Variants in DTX3 observed in about 807,000 individuals in gnomAD.
The protein encoded by DTX3 is deltex E3 ubiquitin ligase 3.
Under a neutral mutation model 27.4 loss-of-function variants are expected in DTX3, and 10 were observed. That is an observed-to-expected ratio of 0.36 (90% CI 0.22 to 0.62). The LOEUF is 0.62. DTX3 is among the 20% of genes least tolerant of loss of function. The pLI is 0.68. For synonymous variants in DTX3, 171 were observed against 190.7 expected (o/e 0.90, Z 0.85); for missense variants, 319 against 463.8 (o/e 0.69, Z 2.87).
chr12:57,605,284 A>T (rs2140203614), intron 1 of DTX3: 1 of 152,408 alleles, frequency 6.6e-6, no homozygotes, highest in African/African-American at 2.4e-5. Context: ...CTGGGTTGCC[A>T]CAGAGGAATC....
In DTX3 at chr12:57,607,716, G is replaced by T; in HGVS notation, c.750+103G>T. 1 of 1,485,044 alleles carries T rather than the reference G, an allele frequency of 6.7e-7. No individual in the cohort carries two copies. Among genetic ancestry groups the T allele is most frequent in the South Asian group, 1.2e-5 (1 of 82,518 alleles). 92.0% of individuals were successfully genotyped at this position (1,485,044 alleles called of 1,614,324 possible). On this transcript the variant is annotated intron_variant, in intron 5 of 6. Coordinates refer to ENST00000337737, the MANE Select transcript of DTX3 (RefSeq NM_178502.4). This position sits in a 1 kb window ranked among gnomAD's most constrained non-coding sequence, Gnocchi z 7.7. ...TGCTTGTTAGATGTGAGACAGTCTT[G>T]CTGTCTTCCACTGTGCCCTCCTACT...
chr12:57,608,907 C>A lies in DTX3; in HGVS notation c.968+170C>A. On this transcript the variant is annotated intron_variant, in intron 6 of 6. Coordinates refer to ENST00000337737, the MANE Select transcript of DTX3 (RefSeq NM_178502.4). This position sits in a 1 kb window ranked among gnomAD's most constrained non-coding sequence, Gnocchi z 6.1. ...TTCAACCTGGTCCTGGTGTGCCCAGCTTAGCCTACAAAAATAAGCAGAACT... is the reference window on the plus strand; with the variant it reads ...TTCAACCTGGTCCTGGTGTGCCCAGATTAGCCTACAAAAATAAGCAGAACT... The A allele has an allele frequency of 9.4e-7, 1 of 1,063,144 alleles. No individual in the cohort carries two copies. Among genetic ancestry groups the A allele is most frequent in the Non-Finnish European group, 1.4e-6 (1 of 704,142 alleles). The allele number at this position is 1,063,144 out of a possible 1,614,324, so 65.9% of individuals were successfully genotyped here.
chr12:57,606,612 G>T, intron 4 of DTX3, 94 bp downstream of exon 4: 2 of 1,534,350 alleles, frequency 1.3e-6, no homozygotes, highest in Non-Finnish European at 1.8e-6. Context: ...CTATGATCTG[G>T]GAGAAATGAC....
chr12:57,606,610 T>C, intron 4 of DTX3, 92 bp downstream of exon 4: 1 of 1,534,964 alleles, frequency 6.5e-7, no homozygotes, highest in Non-Finnish European at 8.9e-7. Context: ...TTCTATGATC[T>C]GGGAGAAATG....
Position 57,609,179 on chromosome 12 carries a change from G to T in DTX3, c.*27G>T. On this transcript the variant is annotated 3_prime_UTR_variant, in exon 7 of 7. Transcript: ENST00000337737. ...GGACATCGCCTTTGCCAAGGCCCCT[G>T]CTGTCTGCCTCTACTAGGACCCAGC... The T allele has an allele frequency of 6.2e-7, 1 of 1,610,058 alleles. No individual in the cohort carries two copies. The highest frequency in any genetic ancestry group is 8.5e-7 in the Non-Finnish European group (1 of 1,176,478).
rs1883767183 is a variant in DTX3 at position 57,607,197 on chromosome 12, G to A, written c.334G>A (p.Gly112Arg). 2 of 1,613,078 alleles carry A rather than the reference G, an allele frequency of 1.2e-6. No individual in the cohort carries two copies. The highest frequency in any genetic ancestry group is 1.7e-6 in the Non-Finnish European group (2 of 1,179,900). Reference sequence around the variant, plus strand: ...GGGCTGCCTGGCTCTGGGGGGTGGAGGGGAGCACCCTGAGATGCACCGCGC... The same window carrying A: ...GGGCTGCCTGGCTCTGGGGGGTGGAAGGGAGCACCCTGAGATGCACCGCGC... The part of the protein sequence containing the change: ...LMGCLALGGG[G>R]EHPEMHRAGP... Residue 112 changes from glycine to arginine, a missense_variant, in exon 5 of 7, where the codon GGG becomes AGG. By Grantham distance (125) the Gly-to-Arg change is moderately radical. Transcript: ENST00000337737. The surrounding 1 kb of genome is among the most constrained non-coding windows in gnomAD (Gnocchi z 7.7).
In DTX3 at chr12:57,607,419, G is replaced by A. The variant is rs1160153367; in HGVS notation, c.556G>A (p.Glu186Lys). The A allele has an allele frequency of 5.0e-6, 8 of 1,614,044 alleles. No homozygotes were observed. Among genetic ancestry groups the A allele is most frequent in the East Asian group, 2.2e-5 (1 of 44,876 alleles). Residue 186 changes from glutamate (E) to lysine (K), a missense_variant, in exon 5 of 7, where the codon GAG (glutamate) becomes AAG (lysine). Around this residue, in one of 2 missense-constraint regions of DTX3, gnomAD observed 117 missense variants for 258.5 expected, o/e 0.45. Transcript: ENST00000337737. The surrounding 1 kb of genome is among the most constrained non-coding windows in gnomAD (Gnocchi z 7.7). ...TLEKCRHSFC[E>K]GCITRALQVK... ...GGAGAAGTGCCGGCATTCATTCTGC[G>A]AGGGCTGCATCACCCGGGCTCTGCA...
At position 57,605,672 on chromosome 12, in the gene DTX3, C is replaced by T. The variant is rs1883687450; in HGVS notation, c.-198C>T. 1 of 152,282 alleles carries T rather than the reference C, an allele frequency of 6.6e-6. No homozygotes were observed. Among genetic ancestry groups the T allele is most frequent in the African/African-American group, 2.4e-5 (1 of 41,450 alleles). 9.4% of individuals were successfully genotyped at this position (152,282 alleles called of 1,614,324 possible). A position where few individuals can be genotyped will look rare whatever the true frequency, so the allele number is the denominator to read the frequency against. On this transcript the variant is annotated 5_prime_UTR_variant, in exon 2 of 7. Transcript: ENST00000337737. ...GCTGAGCCCTTGTGTGAGCCCCGCC[C>T]CTCCCTAAATGCCAGACTTGGGAGC...
intron 3 of DTX3, 57 bp from the exon 4 acceptor site, chr12:57,606,386 C>T: frequency 2.9e-6 from 4 of 1,386,260 alleles, no homozygotes; most frequent in Admixed American, 4.2e-5. Context: ...GGGTTGGGGG[C>T]CATGGGAATT....
chr12:57,607,740 C>A lies in DTX3; in HGVS notation c.750+127C>A. On this transcript the variant is annotated intron_variant, in intron 5 of 6. Coordinates refer to ENST00000337737, the MANE Select transcript of DTX3 (RefSeq NM_178502.4). This position sits in a 1 kb window ranked among gnomAD's most constrained non-coding sequence, Gnocchi z 7.7. Reference sequence around the variant, plus strand: ...TGCTGTCTTCCACTGTGCCCTCCTACTCAGTGCCCTGGACCTAGGAGGTCC... The same window carrying A: ...TGCTGTCTTCCACTGTGCCCTCCTAATCAGTGCCCTGGACCTAGGAGGTCC... The A allele has an allele frequency of 7.7e-7, 1 of 1,292,158 alleles. No homozygotes were observed. The highest frequency in any genetic ancestry group is 1.1e-6 in the Non-Finnish European group (1 of 915,456). 80.0% of individuals were successfully genotyped at this position (1,292,158 alleles called of 1,614,324 possible).
intron 4 of DTX3, 30 bp from the exon 5 acceptor site, chr12:57,606,835 C>G (rs1243398414): frequency 6.3e-7 from 1 of 1,576,050 alleles, no homozygotes. Context: ...GGGGACCCCC[C>G]ACCCTGAGTC....
chr12:57,606,368 G>C, intron 3 of DTX3, 75 bp from the exon 4 acceptor site: 1 of 1,164,932 alleles, frequency 8.6e-7, no homozygotes. Flanking sequence ...TCTGTTCCAT[G>C]GGCTGCTGGG....
At position 57,607,475 on chromosome 12, in the gene DTX3, C is replaced by A. The variant is rs768137705; in HGVS notation, c.612C>A (p.Arg204=). 6.2e-7 allele frequency: 1 copy of A among 1,614,210 alleles called. No individual in the cohort carries two copies. The highest frequency in any genetic ancestry group is 1.7e-5 in the Admixed American group (1 of 60,036). Residue 204 remains arginine (R), a synonymous_variant, in exon 5 of 7, where the codon CGC becomes CGA. Transcript: ENST00000337737. This position sits in a 1 kb window ranked among gnomAD's most constrained non-coding sequence, Gnocchi z 7.7. ...AAAAGGCCTGCCCCATGTGCGGCCG[C>A]TTCTATGGGCAGCTGGTGGGCAACC... The part of the protein sequence containing the change: ...QVKKACPMCG[R]FYGQLVGNQP...
In DTX3 at chr12:57,607,986, A is replaced by G. The variant is rs1456191819; in HGVS notation, c.750+373A>G. On this transcript the variant is annotated intron_variant, in intron 5 of 6. Coordinates refer to ENST00000337737, the MANE Select transcript of DTX3 (RefSeq NM_178502.4). This position sits in a 1 kb window ranked among gnomAD's most constrained non-coding sequence, Gnocchi z 7.7. ...AATAGGAAGGGATCTGACCAACCCA[A>G]CAGAGCCAGGAGCATCACTCTGTAA... 2.0e-5 allele frequency among the ~76,000 whole-genome samples: 3 copies of G among 152,206 alleles called. No individual in the cohort carries two copies. Among genetic ancestry groups the G allele is most frequent in the Non-Finnish European group, 2.9e-5 (2 of 68,036 alleles).
chr12:57,609,414 G>A lies in DTX3; in HGVS notation c.*262G>A, dbSNP rs1011140664. Reference sequence around the variant, plus strand: ...CCCCTCCCCGTGTACATATACTCCCGGTTTCCCTGCCCCTCCATTGCCCTT... The same window carrying A: ...CCCCTCCCCGTGTACATATACTCCCAGTTTCCCTGCCCCTCCATTGCCCTT... On this transcript the variant is annotated 3_prime_UTR_variant, in exon 7 of 7. Coordinates refer to ENST00000337737, the MANE Select transcript of DTX3 (RefSeq NM_178502.4). The A allele has an allele frequency of 8.2e-6, 4 of 486,376 alleles. No homozygotes were observed. The highest frequency in any genetic ancestry group is 2.6e-5 in the South Asian group (1 of 38,380). The allele number at this position is 486,376 out of a possible 1,614,324, so 30.1% of individuals were successfully genotyped here. A position where few individuals can be genotyped will look rare whatever the true frequency, so the allele number is the denominator to read the frequency against.
chr12:57,604,900 C>T (rs962330223), intron 1 of DTX3, 42 bp downstream of exon 1: 1 of 151,968 alleles, frequency 6.6e-6, no homozygotes, highest in African/African-American at 2.4e-5. Flanking sequence ...GCGCGCCCCC[C>T]GGGCCCCGCT....
Position 57,608,426 on chromosome 12 carries a change from TCAGA to T in DTX3, c.751-89_751-86del, listed in dbSNP as rs998546143. ...CCCCGTTCGCATTAGCTGGGGGTGC[TCAGA>T]CAGAGACTAGCCTGGATGACCCTCC... On this transcript the variant is annotated intron_variant, in intron 5 of 6. Coordinates refer to ENST00000337737, the MANE Select transcript of DTX3 (RefSeq NM_178502.4). This position sits in a 1 kb window ranked among gnomAD's most constrained non-coding sequence, Gnocchi z 6.1. 3 of 1,169,968 alleles carry T rather than the reference TCAGA, an allele frequency of 2.6e-6. No homozygotes were observed. The highest frequency in any genetic ancestry group is 2.4e-5 in the East Asian group (1 of 42,240). The allele number at this position is 1,169,968 out of a possible 1,614,324, so 72.5% of individuals were successfully genotyped here. A position where few individuals can be genotyped will look rare whatever the true frequency, so the allele number is the denominator to read the frequency against.
At position 57,607,016 on chromosome 12, in the gene DTX3, T is replaced by C; in HGVS notation, c.153T>C (p.Asp51=). Residue 51 remains aspartate, a synonymous_variant, in exon 5 of 7, where the codon GAT becomes GAC. Coordinates refer to ENST00000337737, the MANE Select transcript of DTX3 (RefSeq NM_178502.4). This position sits in a 1 kb window ranked among gnomAD's most constrained non-coding sequence, Gnocchi z 7.7. Reference sequence around the variant, plus strand: ...AGCACCGTGTGTCCATCCTCATAGATGGCGAGACTTCTGACATCTATGTTC... The same window carrying C: ...AGCACCGTGTGTCCATCCTCATAGACGGCGAGACTTCTGACATCTATGTTC... ...REEHRVSILI[D]GETSDIYVLQ... is the part of the protein sequence containing the mutation. 3 of 1,614,138 alleles carry C rather than the reference T, an allele frequency of 1.9e-6. No individual in the cohort carries two copies. The highest frequency in any genetic ancestry group is 2.5e-6 in the Non-Finnish European group (3 of 1,180,024).
chr12:57,606,369 G>T (rs1008165223), intron 3 of DTX3, 74 bp from the exon 4 acceptor site: 2 of 1,180,742 alleles, frequency 1.7e-6, no homozygotes, highest in Admixed American at 4.9e-5. Flanking sequence ...CTGTTCCATG[G>T]GCTGCTGGGT....
Sources: allele counts gnomAD v4.1 joint callset (sites outside exome capture counted in the v4.1 genomes callset), GRCh38; gene constraint gnomAD v4.1.1; regional missense constraint gnomAD v4.1.1; non-coding constraint Gnocchi (gnomAD v3.1); transcripts MANE v1.5; gene names NCBI Gene and HGNC (gene_info 2026-07-23, HGNC 2026-07-21).